The following PARD3B variants were observed in gnomAD, a reference collection of about 807,000 sequenced individuals.
The protein encoded by PARD3B is partitioning defective 3 homolog B.
PARD3B carries 103 observed loss-of-function variants against 130.2 expected under a neutral mutation model. The ratio of observed to expected loss-of-function variants is 0.79; its 90% CI spans 0.67 to 0.93. PARD3B has a LOEUF of 0.93. Among genes scored for constraint, PARD3B ranks in the 40% least tolerant of loss-of-function variants. The probability of loss-of-function intolerance (pLI) is 0.00; values close to 1 mark genes in which losing one functional copy is unlikely to be tolerated. For synonymous variants in PARD3B, 583 were observed against 553.2 expected, an observed-to-expected ratio of 1.05 and a Z score of -0.76; for missense variants, 1,609 against 1,499.2, an observed-to-expected ratio of 1.07 and a Z score of -1.21.
intron 2 of PARD3B, among the ~76,000 whole-genome samples, chr2:204,838,153 G>A (rs1275296304): frequency 7.2e-6 from 1 of 138,582 alleles, no homozygotes; most frequent in Non-Finnish European, 1.7e-5. Context: ...TTCAGAAAAG[G>A]TCAAGGTTGA....
At chr2:205,507,528 G>A (rs1367252717) in intron 21 of PARD3B, among the ~76,000 whole-genome samples, 1 of 151,808 alleles carries the variant, frequency 6.6e-6, no homozygotes, top group Non-Finnish European at 1.5e-5. Context: ...TATTCTTATA[G>A]ACTAAAACTA....
chr2:205,143,396 C>G (rs891761156), intron 10 of PARD3B, among the ~76,000 whole-genome samples: 1 of 152,102 alleles, frequency 6.6e-6, no homozygotes, highest in East Asian at 1.9e-4. Context: ...CTTGTTTAGT[C>G]TTTGAAGCAT....
chr2:204,635,953 T>G (rs2034861301), intron 1 of PARD3B, among the ~76,000 whole-genome samples: 1 of 152,190 alleles, frequency 6.6e-6, no homozygotes, highest in Admixed American at 6.5e-5. Flanking sequence ...GTCTTTTTTG[T>G]TAAGTTGCCA....
chr2:205,086,048 T>A (rs947962421), intron 4 of PARD3B, among the ~76,000 whole-genome samples: 2 of 152,216 alleles, frequency 1.3e-5, no homozygotes, highest in African/African-American at 4.8e-5. Flanking sequence ...GTGATGCTGT[T>A]GCTAGCAAGA....
At chr2:205,273,229 A>G (rs180861414) in intron 16 of PARD3B, among the ~76,000 whole-genome samples, 49 of 152,312 alleles carry the variant, frequency 3.2e-4, no homozygotes, top group African/African-American at 9.9e-4. Context: ...AGTTGCAGCT[A>G]ACTATTCATA....
chr2:204,815,630 T>C (rs1439683872), intron 2 of PARD3B, among the ~76,000 whole-genome samples: 2 of 151,998 alleles, frequency 1.3e-5, no homozygotes, highest in Non-Finnish European at 2.9e-5. Flanking sequence ...CCTTTCCTCT[T>C]ATCTAATATA....
At chr2:204,986,575 C>T (rs545525592) in intron 3 of PARD3B, among the ~76,000 whole-genome samples, 5 of 152,172 alleles carry the variant, frequency 3.3e-5, no homozygotes, top group African/African-American at 4.8e-5. Context: ...ATATTTTTAA[C>T]GTACGCAATT....
chr2:205,504,749 G>A (rs2050286433), intron 21 of PARD3B, among the ~76,000 whole-genome samples: 1 of 152,164 alleles, frequency 6.6e-6, no homozygotes, highest in African/African-American at 2.4e-5. Context: ...AACAGGTGCT[G>A]GAAAGGATGT....
At chr2:205,491,007 A>C (rs149814807) in intron 20 of PARD3B, among the ~76,000 whole-genome samples, 61,460 of 151,760 alleles carry the variant, frequency 0.4, 12,903 homozygotes, top group Admixed American at 0.5. Flanking sequence ...TGGATATTAG[A>C]CCTTTGTCAG....
At chr2:205,224,537 C>T (rs1400212802) in intron 15 of PARD3B, among the ~76,000 whole-genome samples, 1 of 148,756 alleles carries the variant, frequency 6.7e-6, no homozygotes, top group Non-Finnish European at 1.5e-5. Flanking sequence ...CGCCACTCCC[C>T]AGAAGCCCCC....
intron 10 of PARD3B, among the ~76,000 whole-genome samples, chr2:205,147,460 C>T (rs1409792531): frequency 6.6e-6 from 1 of 152,056 alleles, no homozygotes; most frequent in African/African-American, 2.4e-5. Flanking sequence ...ATTGAACAGG[C>T]AATATGGAAT....
intron 4 of PARD3B, among the ~76,000 whole-genome samples, chr2:205,062,315 C>T (rs933746656): frequency 1.3e-5 from 2 of 152,064 alleles, no homozygotes; most frequent in African/African-American, 4.8e-5. Context: ...ACCAAAATAA[C>T]AGAGGTCAGA....
chr2:205,026,534 A>G (rs1052632744), intron 3 of PARD3B, among the ~76,000 whole-genome samples: 6 of 152,168 alleles, frequency 3.9e-5, no homozygotes, highest in South Asian at 2.1e-4. Flanking sequence ...ATGTGTCTAT[A>G]TGGTGAGGGC....
intron 22 of PARD3B, among the ~76,000 whole-genome samples, chr2:205,614,978 G>C (rs1254344769): frequency 6.6e-6 from 1 of 152,136 alleles, no homozygotes; most frequent in East Asian, 1.9e-4. Flanking sequence ...AGCCTGTCCT[G>C]GATATGGTGG....
intron 2 of PARD3B, among the ~76,000 whole-genome samples, chr2:204,740,077 C>A (rs2039936590): frequency 6.6e-6 from 1 of 151,770 alleles, no homozygotes; most frequent in Admixed American, 6.6e-5. Flanking sequence ...GCAGTGATGC[C>A]ATCTCGGCTC....
chr2:205,054,318 T>C (rs1023192113), intron 4 of PARD3B, among the ~76,000 whole-genome samples: 1 of 148,570 alleles, frequency 6.7e-6, no homozygotes, highest in Non-Finnish European at 1.5e-5. Context: ...TCTTCTTGGG[T>C]CTTAGTCTAA....
intron 2 of PARD3B, among the ~76,000 whole-genome samples, chr2:204,877,727 A>G (rs1392059863): frequency 1.3e-5 from 2 of 152,322 alleles, no homozygotes; most frequent in East Asian, 1.9e-4. Flanking sequence ...AGGGGCATCA[A>G]ATTAAGATTT....
chr2:205,079,252 A>G (rs1005173361), intron 4 of PARD3B, among the ~76,000 whole-genome samples: 4 of 152,246 alleles, frequency 2.6e-5, no homozygotes, highest in African/African-American at 4.8e-5. Flanking sequence ...CAAAAAGCTA[A>G]TCCAATGTTA....
intron 2 of PARD3B, among the ~76,000 whole-genome samples, chr2:204,777,162 A>G (rs1293002508): frequency 6.6e-6 from 1 of 152,224 alleles, no homozygotes; most frequent in Non-Finnish European, 1.5e-5. Context: ...TGCACAGAAC[A>G]TTATCAGTTT....
Sources: gnomAD v4.1 joint callset for allele counts (sites outside exome capture counted in the v4.1 genomes callset) on GRCh38, gnomAD v4.1.1 for gene constraint, MANE v1.5 for transcripts, NCBI Gene and HGNC (gene_info 2026-07-23, HGNC 2026-07-21) for gene names.